Variants in SUSD4 observed in about 807,000 individuals in gnomAD.
SUSD4 encodes the protein sushi domain containing 4, also known as sushi domain-containing protein 4.
Under a neutral mutation model 50.5 loss-of-function variants are expected in SUSD4, and 41 were observed. The observed-to-expected ratio is 0.81, with a 90% CI of 0.63 to 1.05. SUSD4 has a LOEUF of 1.05. SUSD4 is among the 50% of genes least tolerant of loss of function. The pLI, the probability that SUSD4 is intolerant of heterozygous loss-of-function variation, is 0.00. For missense variants in SUSD4, 580 were observed against 634.7 expected (o/e 0.91, Z 0.93); for synonymous variants, 257 against 257.3 (o/e 1.00, Z 0.01).
intron 2 of SUSD4, among the ~76,000 whole-genome samples, chr1:223,356,404 ATTTC>A (rs1211704236): frequency 1.3e-5 from 2 of 151,340 alleles, no homozygotes; most frequent in Non-Finnish European, 1.5e-5. Flanking sequence ...CAAATCTCAG[ATTTC>A]TTTTTCTTTT....
At chr1:223,349,737 C>T (rs567455020) in intron 2 of SUSD4, among the ~76,000 whole-genome samples, 6 of 152,262 alleles carry the variant, frequency 3.9e-5, no homozygotes, top group Non-Finnish European at 7.4e-5. Context: ...AACTGAGCTC[C>T]GGCATCATCT....
intron 2 of SUSD4, among the ~76,000 whole-genome samples, chr1:223,352,371 C>T (rs1018856051): frequency 2.0e-5 from 3 of 152,160 alleles, no homozygotes; most frequent in Non-Finnish European, 4.4e-5. Context: ...AAGCCACTCT[C>T]GAGGGGATAG....
intron 2 of SUSD4, among the ~76,000 whole-genome samples, chr1:223,305,790 T>C (rs552912461): frequency 1.3e-5 from 2 of 152,170 alleles, no homozygotes; most frequent in African/African-American, 2.4e-5. Flanking sequence ...TTTGAAGACA[T>C]GGGAATGAGT....
intron 2 of SUSD4, among the ~76,000 whole-genome samples, chr1:223,355,225 C>T (rs1295462357): frequency 6.6e-6 from 1 of 152,090 alleles, no homozygotes; most frequent in African/African-American, 2.4e-5. Context: ...AGGTACATGC[C>T]ACCATGCCCA....
At chr1:223,270,501 T>C (rs533449693) in intron 3 of SUSD4, among the ~76,000 whole-genome samples, 2 of 152,092 alleles carry the variant, frequency 1.3e-5, no homozygotes, top group South Asian at 4.2e-4. Context: ...ACAAAGAGAG[T>C]CTGGGGTGAA....
Position 223,357,614 on chromosome 1 carries a change from G to A in SUSD4, c.148+5664C>T, listed in dbSNP as rs553381163. Among the ~76,000 whole-genome samples, 4 of 152,264 alleles carry A rather than the reference G, an allele frequency of 2.6e-5. No homozygotes were observed. In the East Asian group the frequency reaches 5.8e-4, roughly 22 times the overall value. On this transcript the variant is annotated intron_variant, in intron 2 of 8. Coordinates refer to ENST00000366878, the MANE Select transcript of SUSD4 (RefSeq NM_017982.4). ...AATGAGTTACTATCCACAAAGTGTG[G>A]AAAACTGAGTTGGTACGTAATAAGC...
At chr1:223,319,526 G>T (rs1666446458) in intron 2 of SUSD4, among the ~76,000 whole-genome samples, 1 of 152,134 alleles carries the variant, frequency 6.6e-6, no homozygotes, top group African/African-American at 2.4e-5. Context: ...AGCAGGCTGG[G>T]TTAATAACCT....
At chr1:223,320,093 T>C (rs546948943) in intron 2 of SUSD4, among the ~76,000 whole-genome samples, 3 of 152,224 alleles carry the variant, frequency 2.0e-5, no homozygotes, top group Non-Finnish European at 4.4e-5. Context: ...TCCTAAGCCC[T>C]CCCGAAGCTT....
At chr1:223,313,017 T>C (rs1002804622) in intron 2 of SUSD4, among the ~76,000 whole-genome samples, 3 of 152,230 alleles carry the variant, frequency 2.0e-5, no homozygotes, top group African/African-American at 7.2e-5. Context: ...GCCTTGTCCC[T>C]GCTTCCGGAG....
chr1:223,250,609 G>C (rs1553285117), intron 5 of SUSD4, among the ~76,000 whole-genome samples: 1 of 152,152 alleles, frequency 6.6e-6, no homozygotes, highest in Non-Finnish European at 1.5e-5. Context: ...CAGGAGAAAG[G>C]GAGCATAGTG....
chr1:223,281,232 A>G (rs931253011), intron 3 of SUSD4, among the ~76,000 whole-genome samples: 3 of 152,204 alleles, frequency 2.0e-5, no homozygotes, highest in African/African-American at 7.2e-5. Context: ...AGAAATAACT[A>G]AGATCAGAGG....
intron 2 of SUSD4, among the ~76,000 whole-genome samples, chr1:223,311,098 G>A (rs992152187): frequency 1.3e-5 from 2 of 152,158 alleles, no homozygotes; most frequent in African/African-American, 4.8e-5. Flanking sequence ...GCAAATAAAT[G>A]GTGTTCACAC....
chr1:223,347,493 C>T (rs2103317537), intron 2 of SUSD4, among the ~76,000 whole-genome samples: 1 of 152,198 alleles, frequency 6.6e-6, no homozygotes, highest in East Asian at 1.9e-4. Context: ...TGATTATGTG[C>T]CCAACATCTT....
intron 2 of SUSD4, among the ~76,000 whole-genome samples, chr1:223,300,868 G>T (rs1665147876): frequency 6.6e-6 from 1 of 152,258 alleles, no homozygotes; most frequent in East Asian, 1.9e-4. Context: ...AGGTCATCTA[G>T]TTTGACCCCT....
chr1:223,226,031 G>T (rs1659496160), intron 7 of SUSD4, among the ~76,000 whole-genome samples: 1 of 152,156 alleles, frequency 6.6e-6, no homozygotes, highest in Admixed American at 6.5e-5. Context: ...AGGGTTTCAA[G>T]AACATTTTAA....
At chr1:223,226,786 A>G (rs1659548492) in intron 7 of SUSD4, among the ~76,000 whole-genome samples, 1 of 152,224 alleles carries the variant, frequency 6.6e-6, no homozygotes, top group Non-Finnish European at 1.5e-5. Context: ...AGGAAAAGAC[A>G]GCTTGTACCA....
At chr1:223,291,412 G>A (rs1664478300) in intron 3 of SUSD4, among the ~76,000 whole-genome samples, 1 of 146,488 alleles carries the variant, frequency 6.8e-6, no homozygotes, top group Non-Finnish European at 1.5e-5. Context: ...AGGATCACTT[G>A]AGCCGAGTGG....
At chr1:223,344,010 G>A (rs1006863785) in intron 2 of SUSD4, among the ~76,000 whole-genome samples, 2 of 152,116 alleles carry the variant, frequency 1.3e-5, no homozygotes, top group African/African-American at 4.8e-5. Context: ...CTAAATGTAT[G>A]AGCACACAGC....
intron 2 of SUSD4, among the ~76,000 whole-genome samples, chr1:223,343,178 T>C (rs902118911): frequency 6.6e-6 from 1 of 152,160 alleles, no homozygotes; most frequent in Non-Finnish European, 1.5e-5. Context: ...TTCCCTCCAC[T>C]GAGAACACAC....
Sources: gnomAD v4.1 joint callset for allele counts (sites outside exome capture counted in the v4.1 genomes callset) on GRCh38, gnomAD v4.1.1 for gene constraint, MANE v1.5 for transcripts, NCBI Gene and HGNC (gene_info 2026-07-23, HGNC 2026-07-21) for gene names.